PBX1: variants seen among roughly 807,000 people sequenced by gnomAD.
PBX1 encodes pre-B-cell leukemia transcription factor 1.
PBX1 carries 6 observed loss-of-function variants against 53.4 expected under a neutral mutation model. That is an observed-to-expected ratio of 0.11 (90% confidence interval 0.06 to 0.22). The LOEUF is 0.22. PBX1 is among the 10% of genes least tolerant of loss of function. The pLI is 1.00. For synonymous variants in PBX1, 204 were observed against 212.3 expected (o/e 0.96, Z 0.34); for missense variants, 251 against 551.4 (o/e 0.46, Z 5.46).
chr1:164,658,252 G>A (rs1324274771), intron 2 of PBX1, among the ~76,000 whole-genome samples: 1 of 151,534 alleles, frequency 6.6e-6, no homozygotes, highest in Non-Finnish European at 1.5e-5. Context: ...CCACTGTTTA[G>A]CTCAATTGTA....
At chr1:164,854,834 G>A (rs371606597), downstream of PBX1, among the ~76,000 whole-genome samples, 278 of 151,912 alleles carry the variant, frequency 1.8e-3, 8 homozygotes, top group South Asian at 0.047. Context: ...TCAAAACGGT[G>A]CATTCATTAA....
At chr1:164,822,184 G>A (rs762652945) in intron 8 of PBX1, among the ~76,000 whole-genome samples, 1 of 152,056 alleles carries the variant, frequency 6.6e-6, no homozygotes, top group Non-Finnish European at 1.5e-5. Flanking sequence ...ATAGCGACAA[G>A]CTATGTCGCA....
At chr1:164,749,827 A>G (rs965171602) in intron 2 of PBX1, among the ~76,000 whole-genome samples, 1 of 152,180 alleles carries the variant, frequency 6.6e-6, no homozygotes, top group African/African-American at 2.4e-5. Flanking sequence ...CCAGCATCTG[A>G]CAGATCAAGA....
At chr1:164,690,233 G>A (rs1428683037) in intron 2 of PBX1, among the ~76,000 whole-genome samples, 4 of 152,130 alleles carry the variant, frequency 2.6e-5, no homozygotes, top group Non-Finnish European at 4.4e-5. Context: ...GGGGGTGGGA[G>A]AGGGAGGGGC....
At chr1:164,589,846 G>A (rs1251672425) in intron 2 of PBX1, among the ~76,000 whole-genome samples, 1 of 152,164 alleles carries the variant, frequency 6.6e-6, no homozygotes, top group East Asian at 1.9e-4. Context: ...TTCTGTTCCT[G>A]TTGTGGTGCT....
At position 164,846,811 on chromosome 1, in the gene PBX1, T is replaced by C. The variant is rs577619691; in HGVS notation, c.*135T>C. 4 of 1,513,790 alleles carry C rather than the reference T, an allele frequency of 2.6e-6. No homozygotes were observed. The South Asian group carries it at 5.1e-5, about 19-fold the overall frequency. The allele number at this position is 1,513,790 out of a possible 1,614,324, so 93.8% of individuals were successfully genotyped here. On this transcript the variant is annotated 3_prime_UTR_variant, in exon 9 of 9. Transcript: ENST00000420696. Reference sequence around the variant, plus strand: ...AGCAAACACAATAAGAGTCTCCTTCTCTTCTCTTCTTTGGGATGCTATTTC... The same window carrying C: ...AGCAAACACAATAAGAGTCTCCTTCCCTTCTCTTCTTTGGGATGCTATTTC...
intron 2 of PBX1, among the ~76,000 whole-genome samples, chr1:164,563,620 GA>G (rs1571225049): frequency 6.6e-6 from 1 of 152,138 alleles, no homozygotes; most frequent in Non-Finnish European, 1.5e-5. Flanking sequence ...GCAAAAATAT[GA>G]AAGTAAAAGT....
At position 164,865,042 on chromosome 1, in the gene PBX1, C is replaced by T. The variant is rs115790515; in HGVS notation, n.257+33559C>T. Among the ~76,000 whole-genome samples the T allele has an allele frequency of 9.5e-3, 1,443 of 152,292 alleles. 18 individuals carry two copies. The highest frequency in any genetic ancestry group is 0.036 in the South Asian group (175 of 4,826). On this transcript the variant is annotated intron_variant and non_coding_transcript_variant, in intron 2 of 2. Coordinates refer to the PBX1 transcript ENST00000558796. ...ACGACCCCACAGACAGTGACAGTCACCATGGTTATAATATTGGCACCACCA... is the reference window on the plus strand; with the variant it reads ...ACGACCCCACAGACAGTGACAGTCATCATGGTTATAATATTGGCACCACCA...
At chr1:164,738,901 C>A (rs1327905579) in intron 2 of PBX1, among the ~76,000 whole-genome samples, 1 of 152,190 alleles carries the variant, frequency 6.6e-6, no homozygotes, top group African/African-American at 2.4e-5. Flanking sequence ...TTCCAAGAAA[C>A]CTTCCCTAAG....
In PBX1 at chr1:164,563,252, A is replaced by G; in HGVS notation, c.206A>G (p.Asn69Ser). The G allele has an allele frequency of 3.1e-6, 5 of 1,611,000 alleles. No individual in the cohort carries two copies. The highest frequency in any genetic ancestry group is 4.2e-6 in the Non-Finnish European group (5 of 1,178,030). The change falls in exon 2 of 9, where the codon AAC becomes AGC. Residue 69 changes from asparagine to serine, a missense_variant. Asn to Ser is a conservative substitution (Grantham distance 46). Coordinates refer to ENST00000420696, the MANE Select transcript of PBX1 (RefSeq NM_002585.4). ...CTTTCTTGCAGAAAACATGCTTTAA[A>G]CTGCCACAGAATGAAGCCTGCCTTG... ...DEAQARKHAL[N>S]CHRMKPALFN...
At chr1:164,565,099 TC>T (rs984759367) in intron 2 of PBX1, among the ~76,000 whole-genome samples, 1 of 152,126 alleles carries the variant, frequency 6.6e-6, no homozygotes, top group African/African-American at 2.4e-5. Context: ...AATTCTAGTT[TC>T]CTAATTAAAA....
At chr1:164,752,733 C>A (rs370035427) in intron 2 of PBX1, among the ~76,000 whole-genome samples, 1 of 152,062 alleles carries the variant, frequency 6.6e-6, no homozygotes, top group African/African-American at 2.4e-5. Flanking sequence ...ATTGAAGGGG[C>A]AATTTTGATG....
At chr1:164,602,547 C>T (rs1285052932) in intron 2 of PBX1, among the ~76,000 whole-genome samples, 1 of 152,064 alleles carries the variant, frequency 6.6e-6, no homozygotes, top group Non-Finnish European at 1.5e-5. Context: ...AGACATGCTG[C>T]TCACCCACAG....
chr1:164,701,245 G>A (rs1177488750), intron 2 of PBX1, among the ~76,000 whole-genome samples: 1 of 152,096 alleles, frequency 6.6e-6, no homozygotes, highest in African/African-American at 2.4e-5. Flanking sequence ...CTTTCTTGTT[G>A]ATCTGTTATT....
At chr1:164,778,992 G>A (rs1222197499) in intron 2 of PBX1, among the ~76,000 whole-genome samples, 1 of 151,966 alleles carries the variant, frequency 6.6e-6, no homozygotes, top group Non-Finnish European at 1.5e-5. Flanking sequence ...ACTAAAAAAG[G>A]GTTAATAATA....
At chr1:164,857,725 A>G (rs1672009360) in intron 2 of PBX1, among the ~76,000 whole-genome samples, 1 of 152,190 alleles carries the variant, frequency 6.6e-6, no homozygotes, top group Admixed American at 6.5e-5. Flanking sequence ...GGAACTGGGG[A>G]CAAAGACCAA....
At chr1:164,871,177 T>C (rs1217080811) in intron 2 of PBX1, among the ~76,000 whole-genome samples, 1 of 152,194 alleles carries the variant, frequency 6.6e-6, no homozygotes, top group Non-Finnish European at 1.5e-5. Flanking sequence ...AATGTACTCA[T>C]AGGATTCACC....
At chr1:164,777,683 G>A (rs749470906) in intron 2 of PBX1, among the ~76,000 whole-genome samples, 1 of 152,168 alleles carries the variant, frequency 6.6e-6, no homozygotes, top group Non-Finnish European at 1.5e-5. Context: ...TTAAAGGCTG[G>A]ATAACTACCT....
Position 164,571,887 on chromosome 1 carries a change from A to G in PBX1, c.265+8576A>G, listed in dbSNP as rs1431931635. 2.8e-4 allele frequency among the ~76,000 whole-genome samples: 30 copies of G among 105,980 alleles called. 2 individuals carry two copies. The highest frequency in any genetic ancestry group is 9.8e-4 in the African/African-American group (28 of 28,486). The allele number at this position is 105,980 out of a possible 152,430, so 69.5% of individuals were successfully genotyped here. On this transcript the variant is annotated intron_variant, in intron 2 of 8. Coordinates refer to ENST00000420696, the MANE Select transcript of PBX1 (RefSeq NM_002585.4). ...ATCTGTACATTGTATATATATATAT[A>G]TATATATATATATATATATATATAT...
Sources: gnomAD v4.1 joint callset for allele counts (sites outside exome capture counted in the v4.1 genomes callset) on GRCh38, gnomAD v4.1.1 for gene constraint, MANE v1.5 for transcripts, NCBI Gene and HGNC (gene_info 2026-07-23, HGNC 2026-07-21) for gene names.